The following NAV2 variants were observed in gnomAD, a reference collection of about 807,000 sequenced individuals.
The protein encoded by NAV2 is helicase, APC down-regulated 1.
NAV2 carries 54 observed loss-of-function variants against 223.2 expected under a neutral mutation model. The ratio of observed to expected loss-of-function variants is 0.24; its 90% CI spans 0.19 to 0.30. The LOEUF is 0.30. NAV2 is among the 10% of genes least tolerant of loss of function. NAV2 has a pLI of 1.00. For synonymous variants in NAV2, 1,279 were observed against 1,239.3 expected, an observed-to-expected ratio of 1.03 and a Z score of -0.67; for missense variants, 2,806 against 3,147.5, an observed-to-expected ratio of 0.89 and a Z score of 2.60.
intron 6 of NAV2, among the ~76,000 whole-genome samples, chr11:19,923,284 G>A (rs750822526): frequency 7.2e-5 from 11 of 152,056 alleles, no homozygotes; most frequent in Admixed American, 2.0e-4. Context: ...CATAAAATCA[G>A]TTCCCTGGCA....
intron 11 of NAV2, among the ~76,000 whole-genome samples, chr11:20,002,382 T>A (rs1010284634): frequency 6.6e-6 from 1 of 152,124 alleles, no homozygotes; most frequent in African/African-American, 2.4e-5. Flanking sequence ...AAGCCCTCTC[T>A]CTATCTCAGA....
chr11:19,796,238 T>C (rs559659100), intron 1 of NAV2, among the ~76,000 whole-genome samples: 1 of 152,268 alleles, frequency 6.6e-6, no homozygotes, highest in South Asian at 2.1e-4. Flanking sequence ...AGAAGTTAGA[T>C]CTAGGGGTGC....
chr11:19,807,054 T>A (rs536289814), intron 1 of NAV2, among the ~76,000 whole-genome samples: 1 of 152,322 alleles, frequency 6.6e-6, no homozygotes, highest in South Asian at 2.1e-4. Context: ...ACAGCTAGAA[T>A]TGAGACTAGT....
chr11:19,374,626 C>T lies in NAV2; in HGVS notation c.75+23599C>T, dbSNP rs558779212. Among the ~76,000 whole-genome samples the T allele has an allele frequency of 2.6e-5, 4 of 152,316 alleles. No homozygotes were observed. In the East Asian group the frequency reaches 7.7e-4, roughly 29 times the overall value. Reference sequence around the variant, plus strand: ...AGGAAGAAACACCAAGAGAACTCAACCATGACTTAATGAGCTAGATCAACT... The same window carrying T: ...AGGAAGAAACACCAAGAGAACTCAATCATGACTTAATGAGCTAGATCAACT... On this transcript the variant is annotated intron_variant, in intron 1 of 37. Coordinates refer to the NAV2 transcript ENST00000360655.
intron 1 of NAV2, among the ~76,000 whole-genome samples, chr11:19,759,752 T>C (rs531740536): frequency 1.4e-5 from 2 of 146,880 alleles, no homozygotes; most frequent in Non-Finnish European, 2.9e-5. Context: ...CCTCATGGGG[T>C]TTTTTAATGT....
chr11:19,982,264 G>C (rs369255109), intron 10 of NAV2, among the ~76,000 whole-genome samples: 1 of 145,710 alleles, frequency 6.9e-6, no homozygotes, highest in East Asian at 2.0e-4. Context: ...TTTTGTTTTT[G>C]TTTTGTTTTG....
intron 3 of NAV2, 116 bp downstream of exon 3, chr11:19,843,039 A>G: frequency 1.2e-6 from 1 of 805,932 alleles, no homozygotes; most frequent in Admixed American, 2.3e-5. Context: ...GGATTATATT[A>G]ATAAACTCAC....
chr11:19,854,902 G>A (rs1026473829), intron 3 of NAV2, among the ~76,000 whole-genome samples: 5 of 152,094 alleles, frequency 3.3e-5, no homozygotes, highest in African/African-American at 9.7e-5. Context: ...AAATCAGAGG[G>A]CAGGAAAAAT....
chr11:19,975,768 G>T (rs1292551687), intron 10 of NAV2, among the ~76,000 whole-genome samples: 1 of 152,202 alleles, frequency 6.6e-6, no homozygotes, highest in African/African-American at 2.4e-5. Flanking sequence ...ATTGTAGAGT[G>T]TGTTGAAGCA....
At chr11:19,564,087 C>T (rs1031247547) in intron 1 of NAV2, among the ~76,000 whole-genome samples, 1 of 152,102 alleles carries the variant, frequency 6.6e-6, no homozygotes, top group Non-Finnish European at 1.5e-5. Flanking sequence ...CCCGTCCCCA[C>T]CTGAACCCCC....
chr11:19,766,920 A>AC (rs2055275220), intron 1 of NAV2, among the ~76,000 whole-genome samples: 1 of 152,122 alleles, frequency 6.6e-6, no homozygotes, highest in South Asian at 2.1e-4. Flanking sequence ...TGGGGGGTGG[A>AC]CTGCAGGGGA....
intron 1 of NAV2, among the ~76,000 whole-genome samples, chr11:19,406,446 A>G (rs1849900252): frequency 6.6e-6 from 1 of 152,180 alleles, no homozygotes; most frequent in African/African-American, 2.4e-5. Flanking sequence ...GGAAAAGGGA[A>G]CATAGAAACA....
At chr11:19,688,999 C>T (rs1442281823) in intron 1 of NAV2, among the ~76,000 whole-genome samples, 1 of 152,124 alleles carries the variant, frequency 6.6e-6, no homozygotes, top group African/African-American at 2.4e-5. Flanking sequence ...AGGCTGTAAG[C>T]ACATTCCCTG....
chr11:19,442,421 T>C (rs912890014), intron 1 of NAV2, among the ~76,000 whole-genome samples: 1 of 152,156 alleles, frequency 6.6e-6, no homozygotes, highest in Non-Finnish European at 1.5e-5. Context: ...ATTACGTCTG[T>C]GGGTTTGGAA....
chr11:20,030,059 A>G (rs933523696), intron 11 of NAV2, among the ~76,000 whole-genome samples: 3 of 152,224 alleles, frequency 2.0e-5, no homozygotes, highest in African/African-American at 7.2e-5. Flanking sequence ...GAAACCAGCC[A>G]AGCTCTGTGT....
At chr11:19,926,807 AG>A (rs888383256) in intron 6 of NAV2, among the ~76,000 whole-genome samples, 9 of 152,140 alleles carry the variant, frequency 5.9e-5, no homozygotes, top group African/African-American at 2.2e-4. Flanking sequence ...AAACCTCCCC[AG>A]GGCAGATTTA....
intron 1 of NAV2, among the ~76,000 whole-genome samples, chr11:19,546,388 G>A (rs78775818): frequency 6.6e-6 from 1 of 152,312 alleles, no homozygotes; most frequent in African/African-American, 2.4e-5. Context: ...CCCATGCTGG[G>A]GCCCTGGGTG....
chr11:19,783,348 G>T (rs1175295199), intron 1 of NAV2, among the ~76,000 whole-genome samples: 1 of 152,212 alleles, frequency 6.6e-6, no homozygotes, highest in Non-Finnish European at 1.5e-5. Context: ...TTCTTCAGCA[G>T]AGCTTCCACA....
intron 1 of NAV2, among the ~76,000 whole-genome samples, chr11:19,627,388 C>CAA (rs796980692): frequency 2.8e-5 from 4 of 142,522 alleles, no homozygotes; most frequent in African/African-American, 7.7e-5. Flanking sequence ...GACTCTGTCT[C>CAA]AAAAAAAAAA....
Sources: allele counts gnomAD v4.1 joint callset (sites outside exome capture counted in the v4.1 genomes callset), GRCh38; gene constraint gnomAD v4.1.1; transcripts MANE v1.5; gene names NCBI Gene and HGNC (gene_info 2026-07-23, HGNC 2026-07-21).